Variants in NAALADL2 observed in about 807,000 individuals in gnomAD.
The protein encoded by NAALADL2 is N-acetylated alpha-linked acidic dipeptidase like 2.
NAALADL2 carries 76 observed loss-of-function variants against 87.2 expected under a neutral mutation model. The ratio of observed to expected loss-of-function variants is 0.87; its 90% CI spans 0.72 to 1.05. NAALADL2 has a LOEUF of 1.05. Ranked by LOEUF, NAALADL2 falls within the 50% of genes least tolerant of loss-of-function variation. NAALADL2 has a pLI of 0.00. For synonymous variants in NAALADL2, 354 were observed against 331.0 expected, an observed-to-expected ratio of 1.07 and a Z score of -0.75; for missense variants, 1,089 against 945.8, an observed-to-expected ratio of 1.15 and a Z score of -1.99.
chr3:175,530,249 G>A (rs1462238086), intron 9 of NAALADL2, among the ~76,000 whole-genome samples: 5 of 152,154 alleles, frequency 3.3e-5, no homozygotes, highest in East Asian at 1.9e-4. Context: ...GCACTGACAT[G>A]GGATACAAAT....
In NAALADL2 at chr3:175,804,991, A is replaced by G. The variant is rs1212230410; in HGVS notation, c.*1788A>G. On this transcript the variant is annotated 3_prime_UTR_variant, in exon 14 of 14. Transcript: ENST00000454872. ...GCCATGTTGAAGAGTGTGTATAGGA[A>G]AGGTCTAGAAATAAATAGGCTTGTG... is the stretch of plus-strand genomic sequence containing the variant. The G allele has an allele frequency of 6.6e-6, 1 of 151,918 alleles. No homozygotes were observed. Among genetic ancestry groups the G allele is most frequent in the Non-Finnish European group, 1.5e-5 (1 of 67,888 alleles). 9.4% of individuals were successfully genotyped at this position (151,918 alleles called of 1,614,324 possible).
At chr3:174,661,973 C>T (rs1443448051) in intron 2 of NAALADL2, among the ~76,000 whole-genome samples, 2 of 152,112 alleles carry the variant, frequency 1.3e-5, no homozygotes, top group Non-Finnish European at 2.9e-5. Context: ...ATGGTATTTG[C>T]ACTTCTTCCA....
At chr3:175,480,073 T>A (rs1324204525) in intron 9 of NAALADL2, among the ~76,000 whole-genome samples, 1 of 151,494 alleles carries the variant, frequency 6.6e-6, no homozygotes, top group East Asian at 1.9e-4. Context: ...AATTCATTCA[T>A]AAATTCATCT....
intron 5 of NAALADL2, among the ~76,000 whole-genome samples, chr3:175,435,585 T>C (rs988060739): frequency 3.9e-5 from 6 of 152,054 alleles, no homozygotes; most frequent in African/African-American, 1.4e-4. Flanking sequence ...ATAGCCAAAA[T>C]TTTATACATA....
chr3:174,882,573 G>T (rs1729391155), intron 1 of NAALADL2, among the ~76,000 whole-genome samples: 1 of 145,394 alleles, frequency 6.9e-6, no homozygotes, highest in South Asian at 2.1e-4. Flanking sequence ...ATATACATAT[G>T]TGCTTATACA....
chr3:175,496,731 GT>G (rs202016748), intron 9 of NAALADL2, among the ~76,000 whole-genome samples: 3 of 150,126 alleles, frequency 2.0e-5, no homozygotes, highest in Non-Finnish European at 3.0e-5. Context: ...TTTTTGTGTG[GT>G]TTTTTTTTGC....
intron 4 of NAALADL2, among the ~76,000 whole-genome samples, chr3:175,284,064 G>A (rs1410442024): frequency 6.6e-6 from 1 of 151,870 alleles, no homozygotes; most frequent in African/African-American, 2.4e-5. Flanking sequence ...AAATCGATTG[G>A]GTTTCTTCCC....
At chr3:174,449,047 T>C (rs147097433) in intron 1 of NAALADL2, among the ~76,000 whole-genome samples, 5 of 152,338 alleles carry the variant, frequency 3.3e-5, no homozygotes, top group African/African-American at 1.2e-4. Context: ...ATAGTTGTTA[T>C]AACAGATAGT....
chr3:175,495,582 A>G (rs550327391), intron 9 of NAALADL2, among the ~76,000 whole-genome samples: 1 of 152,104 alleles, frequency 6.6e-6, no homozygotes, highest in Non-Finnish European at 1.5e-5. Flanking sequence ...GGGGGCCTTC[A>G]AGTTCTGAGG....
Position 175,610,866 on chromosome 3 carries a change from G to T in NAALADL2, c.1801-16425G>T, listed in dbSNP as rs189385384. ...TCTGAGTGTTTTGCTCATTGTTCTC[G>T]TTTAATAATATTGAATATTAATATA... On this transcript the variant is annotated intron_variant, in intron 10 of 13. Transcript: ENST00000454872. Among the ~76,000 whole-genome samples the T allele has an allele frequency of 2.0e-5, 3 of 151,960 alleles. No individual in the cohort carries two copies. The South Asian group carries it at 6.2e-4, about 31-fold the overall frequency.
At chr3:175,464,985 A>T (rs985987339) in intron 7 of NAALADL2, among the ~76,000 whole-genome samples, 1 of 152,218 alleles carries the variant, frequency 6.6e-6, no homozygotes, top group African/African-American at 2.4e-5. Flanking sequence ...AATTCACTGT[A>T]CAAAATAAAC....
At chr3:175,306,638 C>A (rs181828961) in intron 4 of NAALADL2, among the ~76,000 whole-genome samples, 171 of 152,238 alleles carry the variant, frequency 1.1e-3, no homozygotes, top group African/African-American at 4.0e-3. Context: ...CCATCTTGGC[C>A]AGCATGGTGA....
At chr3:174,782,056 T>C (rs1268074359) in intron 3 of NAALADL2, among the ~76,000 whole-genome samples, 1 of 152,150 alleles carries the variant, frequency 6.6e-6, no homozygotes, top group Non-Finnish European at 1.5e-5. Flanking sequence ...TTTCTCCTTG[T>C]AGGGAAGTGT....
chr3:175,565,492 A>T (rs1413559499), intron 9 of NAALADL2, among the ~76,000 whole-genome samples: 1 of 152,044 alleles, frequency 6.6e-6, no homozygotes, highest in Non-Finnish European at 1.5e-5. Context: ...TTGGCCCACC[A>T]TCTTTTGACT....
At chr3:174,922,171 A>T (rs1433898674) in intron 1 of NAALADL2, among the ~76,000 whole-genome samples, 4 of 152,008 alleles carry the variant, frequency 2.6e-5, no homozygotes, top group Admixed American at 1.3e-4. Context: ...TTAGTCTGGC[A>T]TGATGTTGTA....
At chr3:174,771,469 A>G (rs548161671) in intron 3 of NAALADL2, among the ~76,000 whole-genome samples, 1 of 152,282 alleles carries the variant, frequency 6.6e-6, no homozygotes, top group East Asian at 1.9e-4. Flanking sequence ...TAATGTGCTG[A>G]GGTACAAAGG....
intron 3 of NAALADL2, among the ~76,000 whole-genome samples, chr3:174,818,573 C>T (rs1226650825): frequency 6.6e-6 from 1 of 152,068 alleles, no homozygotes; most frequent in African/African-American, 2.4e-5. Context: ...ACTGTGTCAC[C>T]TTTGTCTTGG....
At chr3:175,606,884 CTG>C (rs1484882105) in intron 10 of NAALADL2, among the ~76,000 whole-genome samples, 4 of 152,118 alleles carry the variant, frequency 2.6e-5, no homozygotes, top group Non-Finnish European at 5.9e-5. Context: ...GTGTGGCTGT[CTG>C]TGGTAATTTT....
chr3:175,590,081 G>A (rs985322036), intron 10 of NAALADL2, among the ~76,000 whole-genome samples: 3 of 151,862 alleles, frequency 2.0e-5, no homozygotes, highest in South Asian at 2.1e-4. Context: ...GCGTGGTGGC[G>A]GGCGACTGTA....
Sources: allele counts gnomAD v4.1 joint callset (sites outside exome capture counted in the v4.1 genomes callset), GRCh38; gene constraint gnomAD v4.1.1; transcripts MANE v1.5; gene names NCBI Gene and HGNC (gene_info 2026-07-23, HGNC 2026-07-21).